ANKFN1: variants seen among roughly 807,000 people sequenced by gnomAD.
ANKFN1 encodes the protein ankyrin repeat and fibronectin type-III domain-containing protein 1.
In ANKFN1, 74 loss-of-function variants were observed where a neutral mutation model predicts 108.7. The ratio of observed to expected loss-of-function variants is 0.68; its 90% CI spans 0.56 to 0.83. ANKFN1 has a LOEUF of 0.83. ANKFN1 is among the 40% of genes least tolerant of loss of function. The probability of loss-of-function intolerance (pLI) is 0.00; values close to 1 mark genes in which losing one functional copy is unlikely to be tolerated. For missense variants in ANKFN1, 1,505 were observed against 1,382.3 expected (o/e 1.09, Z -1.41); for synonymous variants, 547 against 516.2 (o/e 1.06, Z -0.81).
chr17:56,426,550 G>A (rs1444797095), intron 8 of ANKFN1, among the ~76,000 whole-genome samples: 1 of 152,128 alleles, frequency 6.6e-6, no homozygotes, highest in Admixed American at 6.5e-5. Flanking sequence ...TGTGAATGTT[G>A]AAAATTTAGA....
chr17:56,230,344 T>C (rs1916640716), intron 3 of ANKFN1, among the ~76,000 whole-genome samples: 1 of 152,124 alleles, frequency 6.6e-6, no homozygotes, highest in Admixed American at 6.6e-5. Context: ...AAAGTATCTT[T>C]TTGGGGAAGG....
At chr17:56,062,995 G>C (rs533050395) in intron 4 of ANKFN1, among the ~76,000 whole-genome samples, 8 of 152,222 alleles carry the variant, frequency 5.3e-5, no homozygotes, top group Admixed American at 2.0e-4. Flanking sequence ...AGCTTAGTTT[G>C]GCTGGGTATG....
intron 1 of ANKFN1, among the ~76,000 whole-genome samples, chr17:56,212,197 C>A (rs1462567442): frequency 1.3e-5 from 2 of 151,488 alleles, no homozygotes; most frequent in Non-Finnish European, 2.9e-5. Flanking sequence ...GCTTTTATTA[C>A]CTTAAGGTAT....
intron 1 of ANKFN1, among the ~76,000 whole-genome samples, chr17:56,154,642 C>CAA (rs60522690): frequency 0.027 from 3,675 of 133,992 alleles, 145 homozygotes; most frequent in African/African-American, 0.092. Context: ...ATGCCAACAC[C>CAA]AAAAAAAAAA....
At chr17:56,473,676 G>A (rs1053554335) in intron 15 of ANKFN1, 1 of 150,098 alleles carries the variant, frequency 6.7e-6, no homozygotes, top group Admixed American at 6.6e-5. Context: ...AAAAAAGATG[G>A]CTTTTCTAGT....
At chr17:56,166,776 G>GT (rs1910164355) in intron 1 of ANKFN1, among the ~76,000 whole-genome samples, 1 of 151,978 alleles carries the variant, frequency 6.6e-6, no homozygotes, top group African/African-American at 2.4e-5. Context: ...TTTTTGTTTA[G>GT]TTATAACATT....
chr17:56,272,074 C>G (rs1489863088), intron 3 of ANKFN1, among the ~76,000 whole-genome samples: 1 of 152,196 alleles, frequency 6.6e-6, no homozygotes, highest in African/African-American at 2.4e-5. Flanking sequence ...AATATTAGAA[C>G]ACCTGTCCTA....
At chr17:56,220,271 T>C (rs1043184836) in intron 2 of ANKFN1, among the ~76,000 whole-genome samples, 2 of 152,214 alleles carry the variant, frequency 1.3e-5, no homozygotes, top group African/African-American at 2.4e-5. Flanking sequence ...AATAAAATGA[T>C]AAAACAGTAG....
intron 3 of ANKFN1, among the ~76,000 whole-genome samples, chr17:56,248,622 A>G (rs2043168512): frequency 1.3e-5 from 2 of 152,190 alleles, no homozygotes; most frequent in Non-Finnish European, 2.9e-5. Context: ...GTGTGAGTAG[A>G]GGATCTGGAA....
intron 1 of ANKFN1, among the ~76,000 whole-genome samples, chr17:56,188,571 G>GTATATATA: frequency 1.0e-5 from 1 of 99,494 alleles, no homozygotes; most frequent in East Asian, 2.8e-4. Context: ...GTATGTGTGT[G>GTATATATA]TGTGTGTGTG....
At position 56,355,648 on chromosome 17, in the gene ANKFN1, A is replaced by G. The variant is rs117929397; in HGVS notation, c.601+1602A>G. 7.9e-4 allele frequency among the ~76,000 whole-genome samples: 120 copies of G among 152,288 alleles called. 1 individual carries two copies. In the South Asian group the frequency reaches 0.014, roughly 18 times the overall value. On this transcript the variant is annotated intron_variant, in intron 6 of 20. Coordinates refer to ENST00000682825, the MANE Select transcript of ANKFN1 (RefSeq NM_001370326.1). ...CCACAGTGCTCTATGGAAAAGAGACAGTGGTGAGGTAATTGTGAAATTGAG... is the reference window on the plus strand; with the variant it reads ...CCACAGTGCTCTATGGAAAAGAGACGGTGGTGAGGTAATTGTGAAATTGAG...
In ANKFN1 at chr17:56,188,577, GTGTGTA is replaced by G. The variant is rs1567825758; in HGVS notation, c.-70-24019_-70-24014del. ...TGTGTGTGTGTATGTGTGTGTGTGT[GTGTGTA>G]TATATATATATATATATATATATAT... On this transcript the variant is annotated intron_variant, in intron 1 of 20. Transcript: ENST00000682825. Among the ~76,000 whole-genome samples the G allele has an allele frequency of 9.7e-3, 784 of 80,658 alleles. 6 individuals are homozygous for G. Among genetic ancestry groups the G allele is most frequent in the Middle Eastern group, 0.027 (4 of 150 alleles). 52.9% of individuals were successfully genotyped at this position (80,658 alleles called of 152,430 possible).
intron 6 of ANKFN1, among the ~76,000 whole-genome samples, chr17:56,365,239 T>G (rs1413413661): frequency 6.6e-6 from 1 of 152,206 alleles, no homozygotes; most frequent in African/African-American, 2.4e-5. Flanking sequence ...GAAATTGATA[T>G]CACTTGCTAG....
At chr17:56,314,374 A>G (rs1285231053) in intron 3 of ANKFN1, among the ~76,000 whole-genome samples, 1 of 152,206 alleles carries the variant, frequency 6.6e-6, no homozygotes, top group East Asian at 1.9e-4. Context: ...ATACCATTTT[A>G]TACTCCAATC....
At chr17:56,207,488 G>A (rs895433095) in intron 1 of ANKFN1, among the ~76,000 whole-genome samples, 1 of 152,208 alleles carries the variant, frequency 6.6e-6, no homozygotes, top group Non-Finnish European at 1.5e-5. Context: ...TCTACCATGT[G>A]CTTTTCCTTT....
In ANKFN1 at chr17:56,513,327, A is replaced by G. The variant is rs1434290907; in HGVS notation, c.*2058A>G. ...AGAGCTGCTTGTTGCCAAGGAATAC[A>G]GACTTCATGTAATACACATCTAAGT... On this transcript the variant is annotated 3_prime_UTR_variant, in exon 21 of 21. Transcript: ENST00000682825. Among the ~76,000 whole-genome samples, 1 of 152,238 alleles carries G rather than the reference A, an allele frequency of 6.6e-6. No individual in the cohort carries two copies.
rs1040074831 is a variant in ANKFN1, at chr17:56,092,267, T to C, written c.288+45942T>C. On this transcript the variant is annotated intron_variant, in intron 4 of 12. Coordinates refer to the ANKFN1 transcript ENST00000635860. ...TGTAGGCACAGGGAGTGAGGTAGTA[T>C]TTTTTTTTTTTTTTTTTTTTGAGAT... Among the ~76,000 whole-genome samples the C allele has an allele frequency of 1.2e-4, 12 of 96,044 alleles. 1 individual carries two copies. Among genetic ancestry groups the C allele is most frequent in the Non-Finnish European group, 2.0e-4 (12 of 59,340 alleles). The allele number at this position is 96,044 out of a possible 152,430, so 63.0% of individuals were successfully genotyped here. A position where few individuals can be genotyped will look rare whatever the true frequency, so the allele number is the denominator to read the frequency against.
intron 8 of ANKFN1, among the ~76,000 whole-genome samples, chr17:56,401,687 T>C (rs1299436200): frequency 6.6e-6 from 1 of 152,080 alleles, no homozygotes; most frequent in East Asian, 1.9e-4. Context: ...TTCTCTTGTC[T>C]GATTGCTCTG....
intron 3 of ANKFN1, among the ~76,000 whole-genome samples, chr17:56,318,671 G>A (rs2045277021): frequency 6.6e-6 from 1 of 152,158 alleles, no homozygotes; most frequent in Non-Finnish European, 1.5e-5. Context: ...TGAAAGAGAG[G>A]TAAATAGTCT....
Sources: gnomAD v4.1 joint callset for allele counts (sites outside exome capture counted in the v4.1 genomes callset) on GRCh38, gnomAD v4.1.1 for gene constraint, MANE v1.5 for transcripts, NCBI Gene and HGNC (gene_info 2026-07-23, HGNC 2026-07-21) for gene names.